SPATA1: variants seen among roughly 807,000 people sequenced by gnomAD.
SPATA1 encodes the protein spermatogenesis associated 1, also known as spermatogenesis-associated protein 1.
SPATA1 carries 57 observed loss-of-function variants against 59.6 expected under a neutral mutation model. The ratio of observed to expected loss-of-function variants is 0.96; its 90% CI spans 0.77 to 1.19. SPATA1 has a LOEUF of 1.19. Among genes scored for constraint, SPATA1 ranks in the 50% most tolerant of loss-of-function variants. SPATA1 has a pLI of 0.00. For missense variants in SPATA1, 448 were observed against 480.7 expected (o/e 0.93, Z 0.64); for synonymous variants, 147 against 163.9 (o/e 0.90, Z 0.79).
chr1:84,550,493 T>C, exon 12 of SPATA1: 1 of 1,568,418 alleles, frequency 6.4e-7, no homozygotes, highest in Non-Finnish European at 8.7e-7. Context: ...AAGAGAAAAC[T>C]AGATACTGAC....
chr1:84,542,394 A>C (rs1265777025), intron 8 of SPATA1, among the ~76,000 whole-genome samples: 1 of 151,964 alleles, frequency 6.6e-6, no homozygotes, highest in Non-Finnish European at 1.5e-5. Context: ...TCTCCCTTTC[A>C]AAGCATTTTC....
chr1:84,561,671 T>C (rs910571036), intron 4 of SPATA1, among the ~76,000 whole-genome samples: 2 of 152,158 alleles, frequency 1.3e-5, no homozygotes, highest in African/African-American at 4.8e-5. Flanking sequence ...TTTTAAGAAA[T>C]TGCCATAGCC....
intron 6 of SPATA1, among the ~76,000 whole-genome samples, chr1:84,531,419 T>C (rs1024444995): frequency 1.3e-5 from 2 of 152,050 alleles, no homozygotes; most frequent in South Asian, 2.1e-4. Flanking sequence ...CGCCTCGGCC[T>C]CCCAAAGTCC....
At chr1:84,548,023 G>A (rs1684145577) in intron 10 of SPATA1, among the ~76,000 whole-genome samples, 1 of 152,140 alleles carries the variant, frequency 6.6e-6, no homozygotes, top group African/African-American at 2.4e-5. Flanking sequence ...CATTGAAGAA[G>A]GTGGAATATG....
At position 84,507,353 on chromosome 1, in the gene SPATA1, G is replaced by A. The variant is rs141159719; in HGVS notation, c.-138+935G>A. ...ATATCAGTTCGCAAAAATGTACATC[G>A]TAAGTTTAGCATTTTACTTAATTCA... On this transcript the variant is annotated intron_variant, in intron 1 of 12. Transcript: ENST00000490879. 1.1e-3 allele frequency: 175 copies of A among 152,236 alleles called. 1 individual carries two copies. The highest frequency in any genetic ancestry group is 3.9e-3 in the African/African-American group (162 of 41,528). The allele number at this position is 152,236 out of a possible 1,614,324, so 9.4% of individuals were successfully genotyped here.
At chr1:84,559,239 T>C (rs1194327406), downstream of SPATA1, among the ~76,000 whole-genome samples, 1 of 152,226 alleles carries the variant, frequency 6.6e-6, no homozygotes, top group African/African-American at 2.4e-5. Context: ...ATTATTATTA[T>C]ATCTGTTATG....
intron 4 of SPATA1, among the ~76,000 whole-genome samples, chr1:84,525,001 G>A (rs1298599883): frequency 6.6e-6 from 1 of 151,636 alleles, no homozygotes; most frequent in Non-Finnish European, 1.5e-5. Context: ...TTTTGAGACA[G>A]AGTCTCCCTC....
intron 8 of SPATA1, among the ~76,000 whole-genome samples, chr1:84,538,747 G>A (rs1683805726): frequency 6.6e-6 from 1 of 152,192 alleles, no homozygotes; most frequent in Non-Finnish European, 1.5e-5. Flanking sequence ...AGGCTTGTAA[G>A]GTGATCCCAG....
chr1:84,522,847 G>A (rs1392418766), intron 4 of SPATA1, among the ~76,000 whole-genome samples: 1 of 151,874 alleles, frequency 6.6e-6, no homozygotes. Context: ...CTCATCACTT[G>A]TGCCACAACT....
chr1:84,546,275 G>A (rs1271354679), intron 10 of SPATA1, among the ~76,000 whole-genome samples: 2 of 152,084 alleles, frequency 1.3e-5, no homozygotes, highest in East Asian at 1.9e-4. Flanking sequence ...CCAACATGGC[G>A]AAACTCCGTC....
chr1:84,514,885 C>T (rs964437740), intron 1 of SPATA1, among the ~76,000 whole-genome samples: 1 of 151,986 alleles, frequency 6.6e-6, no homozygotes, highest in African/African-American at 2.4e-5. Context: ...GCAGGAGAAT[C>T]GCTTGAACCT....
intron 7 of SPATA1, among the ~76,000 whole-genome samples, chr1:84,533,246 T>C (rs1683543037): frequency 6.6e-6 from 1 of 152,152 alleles, no homozygotes; most frequent in African/African-American, 2.4e-5. Context: ...CTGTCTTTGT[T>C]TCCCTTCATT....
At chr1:84,565,872 T>G (rs1684689457) in exon 5 of SPATA1, 1 of 1,570,020 alleles carries the variant, frequency 6.4e-7, no homozygotes, top group Non-Finnish European at 8.6e-7. Flanking sequence ...GAGCATTGGC[T>G]GCTGCAATAC....
chr1:84,562,861 G>T (rs942999782), intron 4 of SPATA1, among the ~76,000 whole-genome samples: 3 of 152,086 alleles, frequency 2.0e-5, no homozygotes, highest in African/African-American at 4.8e-5. Flanking sequence ...TCCTCCCTAT[G>T]TAAGTCTCAT....
chr1:84,509,537 G>T lies in SPATA1; in HGVS notation c.-138+3119G>T, dbSNP rs542097492. Among the ~76,000 whole-genome samples the T allele has an allele frequency of 1.2e-4, 18 of 152,344 alleles. No individual in the cohort carries two copies. The East Asian group carries it at 3.5e-3, about 29-fold the overall frequency. On this transcript the variant is annotated intron_variant, in intron 1 of 12. Coordinates refer to ENST00000490879, the Ensembl canonical transcript of SPATA1. ...CCAGCACTTTGGGAGGCCGAGGCAG[G>T]TGGATCACCTGAGGTCAGGAGTTTC...
intron 8 of SPATA1, among the ~76,000 whole-genome samples, chr1:84,538,103 T>C (rs1423982389): frequency 6.6e-6 from 1 of 152,028 alleles, no homozygotes; most frequent in Non-Finnish European, 1.5e-5. Flanking sequence ...GCAGAAAAGG[T>C]TATTCCTGTC....
At chr1:84,515,339 A>C (rs1682750097) in intron 1 of SPATA1, among the ~76,000 whole-genome samples, 1 of 152,004 alleles carries the variant, frequency 6.6e-6, no homozygotes, top group Non-Finnish European at 1.5e-5. Context: ...TAATTTAAGG[A>C]GACTGTATAT....
At chr1:84,528,844 T>C (rs12138925) in intron 6 of SPATA1, among the ~76,000 whole-genome samples, 7,382 of 152,256 alleles carry the variant, frequency 0.048, 245 homozygotes, top group Middle Eastern at 0.068. Flanking sequence ...AATCTTGCCA[T>C]TATGTCATAT....
At chr1:84,565,949 T>C in exon 5 of SPATA1, 1 of 1,598,062 alleles carries the variant, frequency 6.3e-7, no homozygotes, top group Non-Finnish European at 8.5e-7. Flanking sequence ...GCATCTGCGA[T>C]TCCAGTATAA....
Sources: allele counts gnomAD v4.1 joint callset (sites outside exome capture counted in the v4.1 genomes callset), GRCh38; gene constraint gnomAD v4.1.1; transcripts MANE v1.5; gene names NCBI Gene and HGNC (gene_info 2026-07-23, HGNC 2026-07-21).